The following LHPP variants were observed in gnomAD, a reference collection of about 807,000 sequenced individuals.
The protein encoded by LHPP is hLHPP.
Under a neutral mutation model 30.3 loss-of-function variants are expected in LHPP, and 24 were observed. The ratio of observed to expected loss-of-function variants is 0.79; its 90% confidence interval spans 0.57 to 1.11. LHPP has a LOEUF of 1.11. LHPP is among the 50% of genes most tolerant of loss of function. The pLI is 0.00. For synonymous variants in LHPP, 150 were observed against 157.1 expected, an observed-to-expected ratio of 0.95 and a Z score of 0.34; for missense variants, 356 against 367.2, an observed-to-expected ratio of 0.97 and a Z score of 0.25.
At chr10:124,600,551 G>A (rs1257204549) in intron 6 of LHPP, among the ~76,000 whole-genome samples, 1 of 152,266 alleles carries the variant, frequency 6.6e-6, no homozygotes, top group African/African-American at 2.4e-5. Flanking sequence ...CTGTATCTGG[G>A]TGCTGCAACC....
At chr10:124,600,446 G>A (rs929815002) in intron 6 of LHPP, among the ~76,000 whole-genome samples, 1 of 152,264 alleles carries the variant, frequency 6.6e-6, no homozygotes, top group Admixed American at 6.5e-5. Context: ...CTGGGTGTTG[G>A]CCTGGGTGGG....
chr10:124,587,738 T>TAAAAAAAAAAAAAA (rs747954796), intron 6 of LHPP, among the ~76,000 whole-genome samples: 19 of 53,010 alleles, frequency 3.6e-4, no homozygotes, highest in Non-Finnish European at 4.9e-4. Flanking sequence ...AGACTCCATC[T>TAAAAAAAAAAAAAA]AAAAAAAAAA....
At chr10:124,521,732 G>A (rs1421080681) in intron 6 of LHPP, among the ~76,000 whole-genome samples, 1 of 152,232 alleles carries the variant, frequency 6.6e-6, no homozygotes, top group African/African-American at 2.4e-5. Context: ...GCAGCGGTCA[G>A]TCCTGCCAGT....
chr10:124,557,095 C>G (rs1349875565), intron 6 of LHPP, among the ~76,000 whole-genome samples: 2 of 152,144 alleles, frequency 1.3e-5, no homozygotes, highest in African/African-American at 4.8e-5. Context: ...AGTGTTGAGG[C>G]CGCCTGGAGT....
In LHPP at chr10:124,517,967, C is replaced by G. The variant is rs1222704437; in HGVS notation, c.716+696C>G. ...GCCATTCAGAGAAAGTACATCTTTGCAGATGCTGGGGAGACTTGGTTGAAA... is the reference window on the plus strand; with the variant it reads ...GCCATTCAGAGAAAGTACATCTTTGGAGATGCTGGGGAGACTTGGTTGAAA... On this transcript the variant is annotated intron_variant, in intron 6 of 6. Transcript: ENST00000368842. This position sits in a 1 kb window ranked among gnomAD's most constrained non-coding sequence, Gnocchi z 4.1. 5.3e-5 allele frequency among the ~76,000 whole-genome samples: 8 copies of G among 152,202 alleles called. No homozygotes were observed. Among genetic ancestry groups the G allele is most frequent in the Admixed American group, 5.2e-4 (8 of 15,278 alleles).
At chr10:124,579,807 C>G (rs76704757) in intron 6 of LHPP, among the ~76,000 whole-genome samples, 1,890 of 152,300 alleles carry the variant, frequency 0.012, 33 homozygotes, top group African/African-American at 0.044. Flanking sequence ...CTCGCTGGAG[C>G]AAACATGTAT....
At chr10:124,575,234 G>A (rs745670979) in intron 6 of LHPP, among the ~76,000 whole-genome samples, 10 of 152,066 alleles carry the variant, frequency 6.6e-5, no homozygotes, top group Non-Finnish European at 8.8e-5. Flanking sequence ...ATGAAGCGGC[G>A]TGCACCCCTG....
At chr10:124,487,592 G>A (rs565182313) in intron 2 of LHPP, among the ~76,000 whole-genome samples, 65 of 152,068 alleles carry the variant, frequency 4.3e-4, no homozygotes, top group African/African-American at 9.6e-4. Context: ...ACAGGCGGCC[G>A]CCACCGTGCC....
Position 124,613,436 on chromosome 10 carries a change from C to T in LHPP, c.*76C>T. 1.1e-6 allele frequency: 1 copy of T among 948,760 alleles called. No homozygotes were observed. The highest frequency in any genetic ancestry group is 2.6e-5 in the East Asian group (1 of 37,756). 58.8% of individuals were successfully genotyped at this position (948,760 alleles called of 1,614,324 possible). ...CTGCCTCCCCTCCACCCCTGCCTCT[C>T]CTCCACCCGCCCAGGAGAGCCCCAC... is the stretch of plus-strand genomic sequence containing the variant. On this transcript the variant is annotated 3_prime_UTR_variant, in exon 7 of 7. Coordinates refer to ENST00000368842, the MANE Select transcript of LHPP (RefSeq NM_022126.4).
chr10:124,577,232 C>A (rs1285773640), intron 6 of LHPP, among the ~76,000 whole-genome samples: 1 of 152,102 alleles, frequency 6.6e-6, no homozygotes, highest in Non-Finnish European at 1.5e-5. Flanking sequence ...GTCTGATGGC[C>A]GAGGCCAGGG....
chr10:124,505,001 G>A (rs1488615935), intron 5 of LHPP, among the ~76,000 whole-genome samples: 1 of 152,148 alleles, frequency 6.6e-6, no homozygotes, highest in South Asian at 2.1e-4. Flanking sequence ...TGGCCCTGGA[G>A]AGCGAAAGAC....
chr10:124,595,589 A>G (rs138283465), intron 6 of LHPP, among the ~76,000 whole-genome samples: 70 of 152,304 alleles, frequency 4.6e-4, no homozygotes, highest in African/African-American at 1.6e-3. Flanking sequence ...CAGGGAACTC[A>G]AAGCTAAGTT....
chr10:124,588,579 T>C (rs1564843356), intron 6 of LHPP, among the ~76,000 whole-genome samples: 1 of 152,276 alleles, frequency 6.6e-6, no homozygotes. Context: ...CCGGCCCAGC[T>C]TTTTCATTTT....
rs1948902318 is a variant in LHPP, at chr10:124,593,198, C to T, written c.717-20066C>T. Among the ~76,000 whole-genome samples, 1 of 150,646 alleles carries T rather than the reference C, an allele frequency of 6.6e-6. No individual in the cohort carries two copies. The highest frequency in any genetic ancestry group is 2.4e-5 in the African/African-American group (1 of 40,952). The stretch of plus-strand genomic sequence containing the variant: ...TGCCCTGGTCCCTGGATTGCAAGTC[C>T]AGACAGAAGAGAGCGTCCTGGGAAG... On this transcript the variant is annotated intron_variant, in intron 6 of 6. Transcript: ENST00000368842. This position sits in a 1 kb window ranked among gnomAD's most constrained non-coding sequence, Gnocchi z 4.9.
intron 6 of LHPP, among the ~76,000 whole-genome samples, chr10:124,607,930 C>A (rs942234138): frequency 5.9e-5 from 9 of 152,188 alleles, no homozygotes; most frequent in Admixed American, 5.2e-4. Flanking sequence ...GAGCTCATCT[C>A]CCCAGACCCT....
intron 5 of LHPP, among the ~76,000 whole-genome samples, chr10:124,506,273 C>T (rs1869661): frequency 2.4e-5 from 3 of 125,078 alleles, no homozygotes; most frequent in African/African-American, 6.3e-5. Context: ...ACCCCCCCCC[C>T]ACCCCGCGGT....
chr10:124,492,328 G>A (rs1953558061), intron 3 of LHPP, among the ~76,000 whole-genome samples: 1 of 152,318 alleles, frequency 6.6e-6, no homozygotes, highest in Admixed American at 6.5e-5. Context: ...AATGTGTCCT[G>A]TATGTAGTCA....
intron 6 of LHPP, among the ~76,000 whole-genome samples, chr10:124,534,013 A>G (rs954506797): frequency 6.7e-6 from 1 of 149,030 alleles, no homozygotes; most frequent in Non-Finnish European, 1.5e-5. Flanking sequence ...TGCAGGCTCT[A>G]ACGGCAGAGT....
chr10:124,497,540 G>GCCCAGGTCCCATTAGCTGC (rs1310744368), intron 4 of LHPP, among the ~76,000 whole-genome samples: 3 of 152,192 alleles, frequency 2.0e-5, no homozygotes, highest in Non-Finnish European at 4.4e-5. Context: ...GTCCACTCTG[G>GCCCAGGTCCCATTAGCTGC]CCCAGGTCCC....
Sources: gnomAD v4.1 joint callset for allele counts (sites outside exome capture counted in the v4.1 genomes callset) on GRCh38, gnomAD v4.1.1 for gene constraint, Gnocchi (gnomAD v3.1) non-coding constraint, MANE v1.5 for transcripts, NCBI Gene and HGNC (gene_info 2026-07-23, HGNC 2026-07-21) for gene names.